CIMIP1: variants seen among roughly 807,000 people sequenced by gnomAD.
The protein encoded by CIMIP1 is ciliary microtubule inner protein 1.
chr20:58,153,149 G>C, the CIMIP1 span, among the ~76,000 whole-genome samples: 1 of 152,174 alleles, frequency 6.6e-6, no homozygotes, highest in African/African-American at 2.4e-5. Context: ...TCCACGTCAA[G>C]GTCATGCAGA....
chr20:58,156,536 A>G, the CIMIP1 span, among the ~76,000 whole-genome samples: 7 of 152,116 alleles, frequency 4.6e-5, no homozygotes, highest in Non-Finnish European at 1.0e-4. Context: ...TTGGAGTCCA[A>G]TTTAGAGAAG....
At chr20:58,155,469 T>C in the CIMIP1 span, 1 of 1,612,668 alleles carries the variant, frequency 6.2e-7, no homozygotes, top group Non-Finnish European at 8.5e-7. Context: ...CTGTTTCAGT[T>C]GATCAAGTGT....
chr20:58,153,586 G>A, the CIMIP1 span: 4 of 1,614,046 alleles, frequency 2.5e-6, no homozygotes, highest in Admixed American at 5.0e-5. Context: ...GGCAGAACTG[G>A]CCCCAGAACT....
chr20:58,160,042 A>G, the CIMIP1 span, among the ~76,000 whole-genome samples: 1 of 152,222 alleles, frequency 6.6e-6, no homozygotes, highest in Non-Finnish European at 1.5e-5. Context: ...AAATCCCCTT[A>G]TGCAGAACAG....
chr20:58,156,560 G>A, the CIMIP1 span, among the ~76,000 whole-genome samples: 1 of 152,106 alleles, frequency 6.6e-6, no homozygotes, highest in Non-Finnish European at 1.5e-5. Context: ...CTGGAGGGTT[G>A]TAAGCAGGGC....
chr20:58,152,418 T>C, the CIMIP1 span, among the ~76,000 whole-genome samples: 1 of 128,936 alleles, frequency 7.8e-6, no homozygotes, highest in Non-Finnish European at 1.7e-5. Flanking sequence ...CAAATTACGA[T>C]GATTTATTTA....
chr20:58,159,183 CTTTTTTTTTTT>C, the CIMIP1 span, among the ~76,000 whole-genome samples: 1 of 104,084 alleles, frequency 9.6e-6, no homozygotes, highest in Non-Finnish European at 1.8e-5. Flanking sequence ...GCACTTTCTT[CTTTTTTTTTTT>C]TTTTTTTTTT....
the CIMIP1 span, among the ~76,000 whole-genome samples, chr20:58,158,579 G>T: frequency 2.0e-5 from 3 of 152,066 alleles, no homozygotes; most frequent in Non-Finnish European, 4.4e-5. Flanking sequence ...GAACCCGGGA[G>T]GTGCAGCTTG....
the CIMIP1 span, among the ~76,000 whole-genome samples, chr20:58,156,555 G>A: frequency 7.9e-5 from 12 of 152,254 alleles, no homozygotes; most frequent in Middle Eastern, 3.4e-3. Flanking sequence ...AGCCGCTGGA[G>A]GGTTGTAAGC....
the CIMIP1 span, chr20:58,153,412 T>C: frequency 4.4e-6 from 3 of 674,756 alleles, no homozygotes; most frequent in Non-Finnish European, 8.0e-6. Context: ...GTTCTCACGC[T>C]GTCTGGCTCC....
chr20:58,160,776 G>A, the CIMIP1 span: 1 of 1,613,926 alleles, frequency 6.2e-7, no homozygotes, highest in South Asian at 1.1e-5. Flanking sequence ...AGCTGCAAAG[G>A]TGCTTTTGCA....
At chr20:58,155,373 G>A in the CIMIP1 span, 2 of 1,005,910 alleles carry the variant, frequency 2.0e-6, no homozygotes, top group East Asian at 5.0e-5. Context: ...CACTCCCCCA[G>A]CTTCACCTGA....
the CIMIP1 span, chr20:58,160,954 A>G: frequency 1.0e-6 from 1 of 984,520 alleles, no homozygotes; most frequent in Non-Finnish European, 1.4e-6. Flanking sequence ...GGATGTTGCA[A>G]AGAACACAAA....
At chr20:58,153,518 C>T in the CIMIP1 span, 1 of 1,595,606 alleles carries the variant, frequency 6.3e-7, no homozygotes, top group African/African-American at 1.3e-5. Flanking sequence ...CCGTGTTGCC[C>T]AGCACTCAGG....
chr20:58,155,593 A>AT, the CIMIP1 span: 15 of 1,570,104 alleles, frequency 9.6e-6, no homozygotes, highest in East Asian at 9.0e-5. Flanking sequence ...TTAAATACTC[A>AT]TTTTTTTAAA....
At chr20:58,160,840 C>T in the CIMIP1 span, 1 of 1,602,634 alleles carries the variant, frequency 6.2e-7, no homozygotes, top group Non-Finnish European at 8.5e-7. Flanking sequence ...CGGAGTTCTG[C>T]CCAGGGGTGC....
chr20:58,153,243 C>A, the CIMIP1 span, among the ~76,000 whole-genome samples: 1 of 152,258 alleles, frequency 6.6e-6, no homozygotes, highest in Non-Finnish European at 1.5e-5. Context: ...ATAAGGGCCT[C>A]CAAAATAAGA....
the CIMIP1 span, among the ~76,000 whole-genome samples, chr20:58,151,466 T>G: frequency 6.6e-6 from 1 of 152,192 alleles, no homozygotes; most frequent in African/African-American, 2.4e-5. Flanking sequence ...CAGGCTGGAG[T>G]GCAGTGGCGC....
At chr20:58,153,704 G>T in the CIMIP1 span, 1 of 1,101,172 alleles carries the variant, frequency 9.1e-7, no homozygotes, top group Non-Finnish European at 1.4e-6. Context: ...TCTATCACTT[G>T]CAAGAATAAA....
Sources: allele counts gnomAD v4.1 joint callset (sites outside exome capture counted in the v4.1 genomes callset), GRCh38; gene constraint gnomAD v4.1.1; transcripts MANE v1.5; gene names NCBI Gene and HGNC (gene_info 2026-07-23, HGNC 2026-07-21).